Variants in CDK5RAP2 observed in about 807,000 individuals in gnomAD.
The protein encoded by CDK5RAP2 is CDK5 regulatory subunit-associated protein 2.
Under a neutral mutation model 232.9 loss-of-function variants are expected in CDK5RAP2, and 147 were observed. The observed-to-expected ratio is 0.63, with a 90% CI of 0.55 to 0.72. The LOEUF is 0.72. Ranked by LOEUF, CDK5RAP2 falls within the 30% of genes least tolerant of loss-of-function variation. The pLI is 0.00. For synonymous variants in CDK5RAP2, 833 were observed against 833.7 expected (o/e 1.00, Z 0.01); for missense variants, 2,195 against 2,231.5 (o/e 0.98, Z 0.33).
intron 11 of CDK5RAP2, among the ~76,000 whole-genome samples, chr9:120,521,598 G>A (rs1228794610): frequency 6.6e-6 from 1 of 151,736 alleles, no homozygotes; most frequent in East Asian, 1.9e-4. Flanking sequence ...ATGATTGTGA[G>A]GCCTCCCCAG....
chr9:120,529,550 G>A (rs372129089), intron 8 of CDK5RAP2, among the ~76,000 whole-genome samples: 10 of 152,308 alleles, frequency 6.6e-5, no homozygotes, highest in African/African-American at 2.4e-4. Flanking sequence ...CTCCCATACT[G>A]CTAAGCCCGA....
chr9:120,427,983 G>A (rs2035026746), intron 25 of CDK5RAP2, among the ~76,000 whole-genome samples: 1 of 152,144 alleles, frequency 6.6e-6, no homozygotes, highest in African/African-American at 2.4e-5. Context: ...CATGGAAACT[G>A]AACAACCTGC....
At chr9:120,505,666 CA>C (rs1564310844) in intron 12 of CDK5RAP2, among the ~76,000 whole-genome samples, 1 of 152,182 alleles carries the variant, frequency 6.6e-6, no homozygotes, top group Non-Finnish European at 1.5e-5. Context: ...CTCCAGTGAA[CA>C]CATGAATGGT....
At chr9:120,489,362 A>C (rs1229850947) in intron 13 of CDK5RAP2, among the ~76,000 whole-genome samples, 1 of 152,234 alleles carries the variant, frequency 6.6e-6, no homozygotes, top group African/African-American at 2.4e-5. Flanking sequence ...GAAACATAGC[A>C]GGCCCTTTCA....
chr9:120,504,458 C>G (rs914777357), intron 12 of CDK5RAP2, among the ~76,000 whole-genome samples: 15 of 152,200 alleles, frequency 9.9e-5, no homozygotes, highest in African/African-American at 3.4e-4. Flanking sequence ...AGGGTAGAAG[C>G]TGCAGTACTA....
intron 23 of CDK5RAP2, among the ~76,000 whole-genome samples, chr9:120,442,766 C>T (rs1263871708): frequency 2.0e-5 from 3 of 152,120 alleles, no homozygotes; most frequent in African/African-American, 7.2e-5. Flanking sequence ...GCCCAGAACA[C>T]GCAGAAGCAT....
At chr9:120,518,185 G>GTGTA (rs1554770779) in intron 12 of CDK5RAP2, among the ~76,000 whole-genome samples, 1 of 86,658 alleles carries the variant, frequency 1.2e-5, no homozygotes, top group Admixed American at 1.5e-4. Context: ...GTGTGTGTGT[G>GTGTA]TGTGTGTGTG....
chr9:120,430,408 T>C (rs2035210186), intron 25 of CDK5RAP2, among the ~76,000 whole-genome samples: 1 of 149,782 alleles, frequency 6.7e-6, no homozygotes, highest in Admixed American at 6.6e-5. Flanking sequence ...CTCAAACAAA[T>C]TTACAAGAAA....
chr9:120,567,831 G>C (rs2042701900), intron 3 of CDK5RAP2, among the ~76,000 whole-genome samples: 1 of 152,158 alleles, frequency 6.6e-6, no homozygotes, highest in African/African-American at 2.4e-5. Flanking sequence ...TCCCAACTCT[G>C]ACACTTATGT....
intron 7 of CDK5RAP2, among the ~76,000 whole-genome samples, chr9:120,531,267 C>T (rs1588584560): frequency 6.6e-6 from 1 of 151,814 alleles, no homozygotes; most frequent in Non-Finnish European, 1.5e-5. Context: ...ACCCTACCCC[C>T]GCCTCACCCC....
chr9:120,516,130 T>C (rs1405055194), intron 12 of CDK5RAP2, among the ~76,000 whole-genome samples: 7 of 151,938 alleles, frequency 4.6e-5, no homozygotes, highest in Non-Finnish European at 8.8e-5. Context: ...TGTCCAACAA[T>C]GATAGACTGG....
intron 5 of CDK5RAP2, 33 bp downstream of exon 5, chr9:120,545,681 A>G: frequency 6.4e-7 from 1 of 1,554,282 alleles, no homozygotes; most frequent in Non-Finnish European, 8.9e-7. Context: ...AGTGTGGGCG[A>G]CTTGCAAGCT....
rs1029471996 is a variant in CDK5RAP2 at position 120,486,274 on chromosome 9, A to C, written c.1626+1020T>G. Among the ~76,000 whole-genome samples, 21 of 152,118 alleles carry C rather than the reference A, an allele frequency of 1.4e-4. 2 individuals are homozygous for C. ...TGAAGGCTGATGCCCATGTTGTACC[A>C]GTTGTTAATTATTTTGAGAATCACC... On this transcript the variant is annotated intron_variant, in intron 14 of 37. Coordinates refer to ENST00000349780, the MANE Select transcript of CDK5RAP2 (RefSeq NM_018249.6).
chr9:120,413,823 A>AG (rs1554731801), intron 28 of CDK5RAP2, among the ~76,000 whole-genome samples: 31 of 108,748 alleles, frequency 2.9e-4, no homozygotes, highest in Admixed American at 1.2e-3. Flanking sequence ...GGGAGGAGGG[A>AG]GGAGGGAGGA....
chr9:120,579,940 A>C lies in CDK5RAP2; in HGVS notation c.39T>G (p.Pro13=). 2 of 1,613,552 alleles carry C rather than the reference A, an allele frequency of 1.2e-6. No individual in the cohort carries two copies. Among genetic ancestry groups the C allele is most frequent in the Non-Finnish European group, 1.7e-6 (2 of 1,179,454 alleles). The change falls in exon 1 of 38, where the codon CCT becomes CCG. Residue 13 remains proline, a synonymous_variant. Coordinates refer to ENST00000349780, the MANE Select transcript of CDK5RAP2 (RefSeq NM_018249.6). ...DLVLEEDVTV[P]GTLSGCSGLV... is the part of the protein sequence containing the mutation. ...CGCACCTGCAGCCGCTGAGCGTCCC[A>C]GGGACGGTGACGTCCTCTTCCAACA...
rs111573035 is a variant in CDK5RAP2 at position 120,458,765 on chromosome 9, G to A, written c.2203-143C>T. The A allele has an allele frequency of 4.8e-4, 354 of 733,164 alleles. 1 individual carries two copies. The African/African-American group carries it at 5.3e-3, about 11-fold the overall frequency. 45.4% of individuals were successfully genotyped at this position (733,164 alleles called of 1,614,324 possible). On this transcript the variant is annotated intron_variant, in intron 19 of 37. Transcript: ENST00000349780. ...CCAGAGAGAAACAGAAAAGAAAAGG[G>A]GGAGGAGAAGGAGGAAGAGAGAGAG...
chr9:120,579,320 C>G (rs183240701), intron 1 of CDK5RAP2, among the ~76,000 whole-genome samples: 5 of 152,344 alleles, frequency 3.3e-5, no homozygotes, highest in African/African-American at 1.2e-4. Context: ...AATCCTCACC[C>G]CAACTCTGTT....
chr9:120,473,870 A>G (rs2131545083), intron 15 of CDK5RAP2, among the ~76,000 whole-genome samples: 1 of 152,334 alleles, frequency 6.6e-6, no homozygotes, highest in East Asian at 1.9e-4. Flanking sequence ...AAAAGTACAC[A>G]GCTGCTGCTC....
intron 36 of CDK5RAP2, among the ~76,000 whole-genome samples, chr9:120,391,918 C>T (rs1286856825): frequency 6.6e-6 from 1 of 152,230 alleles, no homozygotes; most frequent in East Asian, 1.9e-4. Flanking sequence ...GGAGGAGTTG[C>T]AGGCCCGGGT....
Sources: allele counts gnomAD v4.1 joint callset (sites outside exome capture counted in the v4.1 genomes callset), GRCh38; gene constraint gnomAD v4.1.1; transcripts MANE v1.5; gene names NCBI Gene and HGNC (gene_info 2026-07-23, HGNC 2026-07-21).